The following MAST4 variants were observed in gnomAD, a reference collection of about 807,000 sequenced individuals.
The protein encoded by MAST4 is microtubule associated serine/threonine kinase family member 4.
MAST4 carries 89 observed loss-of-function variants against 162.7 expected under a neutral mutation model. The ratio of observed to expected loss-of-function variants is 0.55; its 90% CI spans 0.46 to 0.65. The LOEUF is 0.65. Ranked by LOEUF, MAST4 falls within the 30% of genes least tolerant of loss-of-function variation. The pLI is 0.00. For synonymous variants in MAST4, 1,479 were observed against 1,361.1 expected (o/e 1.09, Z -1.91); for missense variants, 3,153 against 3,374.0 (o/e 0.93, Z 1.62).
At chr5:66,792,033 A>G (rs1228350808) in intron 3 of MAST4, among the ~76,000 whole-genome samples, 2 of 152,196 alleles carry the variant, frequency 1.3e-5, no homozygotes, top group African/African-American at 4.8e-5. Context: ...AGGGGCATTA[A>G]AGTTGATCTG....
At chr5:67,121,160 A>G (rs1217105475) in intron 14 of MAST4, 58 bp downstream of exon 14, 4 of 1,317,136 alleles carry the variant, frequency 3.0e-6, no homozygotes, top group Non-Finnish European at 4.3e-6. Flanking sequence ...TGATATATTT[A>G]TTCTTAACAT....
At position 67,095,639 on chromosome 5, in the gene MAST4, T is replaced by C; in HGVS notation, c.876T>C (p.Ser292=). ...GGTCGTTGGCTTCTCTCCCTTCCTC[T>C]GGCTATGGGACAAACACACCCAGCT... ...RRWSLASLPS[S]GYGTNTPSST... Residue 292 remains serine (S), a synonymous_variant, in exon 7 of 29, where the codon TCT becomes TCC. Transcript: ENST00000403625. 1 of 1,609,270 alleles carries C rather than the reference T, an allele frequency of 6.2e-7. No homozygotes were observed. Among genetic ancestry groups the C allele is most frequent in the Non-Finnish European group, 8.5e-7 (1 of 1,177,350 alleles).
chr5:66,785,416 C>T (rs1376758493), intron 2 of MAST4, among the ~76,000 whole-genome samples: 1 of 152,044 alleles, frequency 6.6e-6, no homozygotes. Context: ...TTGTTCTTCA[C>T]CTAAACATAT....
chr5:67,112,745 G>C (rs1766397114), intron 11 of MAST4, among the ~76,000 whole-genome samples: 1 of 152,190 alleles, frequency 6.6e-6, no homozygotes, highest in Admixed American at 6.5e-5. Context: ...CCCAAGTGCA[G>C]TCTTTTTGGG....
At chr5:66,743,514 G>T (rs963726876) in intron 1 of MAST4, among the ~76,000 whole-genome samples, 1 of 152,226 alleles carries the variant, frequency 6.6e-6, no homozygotes, top group African/African-American at 2.4e-5. Flanking sequence ...AGTGCTTTGG[G>T]CAGGTTGGTG....
chr5:66,833,370 G>A (rs1028375588), intron 3 of MAST4, among the ~76,000 whole-genome samples: 3 of 152,124 alleles, frequency 2.0e-5, no homozygotes, highest in African/African-American at 7.2e-5. Context: ...TTTTGGAAAT[G>A]TCTGGTACCC....
intron 5 of MAST4, among the ~76,000 whole-genome samples, chr5:67,087,810 C>T (rs560841746): frequency 2.0e-5 from 3 of 152,200 alleles, no homozygotes; most frequent in South Asian, 2.1e-4. Flanking sequence ...GAAACATCTG[C>T]GATTAGTAAG....
chr5:66,926,619 T>G (rs1257189680), intron 4 of MAST4, among the ~76,000 whole-genome samples: 1 of 151,680 alleles, frequency 6.6e-6, no homozygotes, highest in African/African-American at 2.4e-5. Flanking sequence ...TATATGTATA[T>G]ATGTGTGTAT....
chr5:66,948,348 A>G (rs1161200868), intron 4 of MAST4, among the ~76,000 whole-genome samples: 1 of 152,186 alleles, frequency 6.6e-6, no homozygotes, highest in Non-Finnish European at 1.5e-5. Flanking sequence ...ACTAGCGTTC[A>G]TATATAAAGT....
intron 4 of MAST4, among the ~76,000 whole-genome samples, chr5:67,049,060 C>CACGT (rs1554087472): frequency 1.2e-5 from 1 of 82,832 alleles, no homozygotes; most frequent in African/African-American, 6.2e-5. Flanking sequence ...TATATATATA[C>CACGT]GTATATATAT....
intron 1 of MAST4, among the ~76,000 whole-genome samples, chr5:66,717,201 T>C (rs934773591): frequency 2.6e-5 from 4 of 152,116 alleles, no homozygotes; most frequent in African/African-American, 7.2e-5. Flanking sequence ...GGCTACCCTA[T>C]ACTCTGTGGC....
rs540177466 is a variant in MAST4, at chr5:66,840,740, A to G, written c.642+51946A>G. Among the ~76,000 whole-genome samples, 9 of 152,286 alleles carry G rather than the reference A, an allele frequency of 5.9e-5. No homozygotes were observed. The East Asian group carries it at 1.7e-3, about 29-fold the overall frequency. ...ATCTTGAGAAGAATATACCCAGGGT[A>G]GCTACTGCCTGTTTACTCTGGGTCC... On this transcript the variant is annotated intron_variant, in intron 3 of 28. Coordinates refer to ENST00000403625, the MANE Select transcript of MAST4 (RefSeq NM_001164664.2).
chr5:67,145,115 A>G (rs1367943536), intron 22 of MAST4, 29 bp from the exon 23 acceptor site: 1 of 1,529,774 alleles, frequency 6.5e-7, no homozygotes, highest in East Asian at 2.4e-5. Context: ...TAGTATGTAT[A>G]TATGACTTTG....
intron 1 of MAST4, among the ~76,000 whole-genome samples, chr5:66,690,590 A>G (rs1306429146): frequency 6.6e-6 from 1 of 152,150 alleles, no homozygotes; most frequent in East Asian, 1.9e-4. Flanking sequence ...TCTTCCCTTG[A>G]TTACGGTCAC....
Position 67,166,615 on chromosome 5 carries a change from G to C in MAST4, c.7436G>C (p.Ser2479Thr). 1 of 1,600,992 alleles carries C rather than the reference G, an allele frequency of 6.2e-7. No homozygotes were observed. The highest frequency in any genetic ancestry group is 8.5e-7 in the Non-Finnish European group (1 of 1,174,166). The change falls in exon 29 of 29, where the codon AGC becomes ACC. Residue 2479 changes from serine to threonine, a missense_variant. Physicochemically the swap from Ser to Thr is moderately conservative, Grantham distance 58. Coordinates refer to ENST00000403625, the MANE Select transcript of MAST4 (RefSeq NM_001164664.2). ...RAGVREASAA[S>T]SDTSSAKAAG... is the part of the protein sequence containing the mutation. ...GGAGTTAGAGAGGCCTCTGCAGCCA[G>C]CAGCGACACCTCTTCTGCCAAGGCC...
At chr5:66,958,581 C>G (rs1487645682) in intron 4 of MAST4, among the ~76,000 whole-genome samples, 1 of 152,198 alleles carries the variant, frequency 6.6e-6, no homozygotes, top group Non-Finnish European at 1.5e-5. Context: ...TTTGCCTGTT[C>G]ACACAAGTCT....
chr5:67,150,401 A>G (rs939678829), intron 24 of MAST4, among the ~76,000 whole-genome samples: 1 of 152,238 alleles, frequency 6.6e-6, no homozygotes, highest in African/African-American at 2.4e-5. Flanking sequence ...TTGAAGCTTC[A>G]TATTTGTGCA....
intron 3 of MAST4, among the ~76,000 whole-genome samples, chr5:66,816,444 T>C (rs1031137669): frequency 6.6e-6 from 1 of 152,192 alleles, no homozygotes. Flanking sequence ...ATGATAAATA[T>C]TACAGGAACA....
intron 4 of MAST4, among the ~76,000 whole-genome samples, chr5:67,004,212 G>A (rs1044736499): frequency 7.2e-5 from 11 of 151,996 alleles, no homozygotes; most frequent in Middle Eastern, 3.4e-3. Context: ...CGCCGCGGCC[G>A]CCTGCTCCCT....
Sources: allele counts gnomAD v4.1 joint callset (sites outside exome capture counted in the v4.1 genomes callset), GRCh38; gene constraint gnomAD v4.1.1; transcripts MANE v1.5; gene names NCBI Gene and HGNC (gene_info 2026-07-23, HGNC 2026-07-21).